Variants in TMPRSS11B observed in about 807,000 individuals in gnomAD.
TMPRSS11B encodes transmembrane serine protease 11B, also known as transmembrane protease serine 11B.
In TMPRSS11B, 53 loss-of-function variants were observed where a neutral mutation model predicts 44.7. The ratio of observed to expected loss-of-function variants is 1.19; its 90% confidence interval spans 0.95 to 1.49. The LOEUF (loss-of-function observed/expected upper bound fraction) is 1.49. Among genes scored for constraint, TMPRSS11B ranks in the 40% most tolerant of loss-of-function variants. The pLI, the probability that TMPRSS11B is intolerant of heterozygous loss-of-function variation, is 0.00. For missense variants in TMPRSS11B, 526 were observed against 494.8 expected, an observed-to-expected ratio of 1.06 and a Z score of -0.60; for synonymous variants, 140 against 159.2, an observed-to-expected ratio of 0.88 and a Z score of 0.91.
In TMPRSS11B at chr4:68,242,348, TATATA is replaced by T. The variant is rs1352024198; in HGVS notation, c.9-549_9-545del. Among the ~76,000 whole-genome samples, 4 of 81,266 alleles carry T rather than the reference TATATA, an allele frequency of 4.9e-5. 1 individual carries two copies. The highest frequency in any genetic ancestry group is 2.5e-4 in the African/African-American group (4 of 16,308). The allele number at this position is 81,266 out of a possible 152,430, so 53.3% of individuals were successfully genotyped here. A position where few individuals can be genotyped will look rare whatever the true frequency, so the allele number is the denominator to read the frequency against. On this transcript the variant is annotated intron_variant, in intron 1 of 9. Coordinates refer to ENST00000332644, the MANE Select transcript of TMPRSS11B (RefSeq NM_182502.3). ...ATAATATTATATTATATATATATTA[TATATA>T]ATATTATATTATATATAATATTATA...
intron 2 of TMPRSS11B, among the ~76,000 whole-genome samples, chr4:68,241,154 C>T (rs12507526): frequency 0.69 from 104,583 of 151,944 alleles, 38,142 homozygotes; most frequent in East Asian, 0.99. Context: ...ACTTATTTTT[C>T]AGAAAAGTAA....
chr4:68,242,509 A>G (rs1327035307), intron 1 of TMPRSS11B, among the ~76,000 whole-genome samples: 3 of 143,916 alleles, frequency 2.1e-5, no homozygotes, highest in Non-Finnish European at 3.0e-5. Flanking sequence ...ATAAAATTAT[A>G]GATTTTTTGT....
At chr4:68,245,484 T>A in intron 1 of TMPRSS11B, 67 bp downstream of exon 1, 1 of 1,544,268 alleles carries the variant, frequency 6.5e-7, no homozygotes, top group Admixed American at 1.7e-5. Context: ...AACAAAAAAC[T>A]AGAACATACT....
At chr4:68,238,481 T>G (rs895433043) in intron 2 of TMPRSS11B, among the ~76,000 whole-genome samples, 2 of 151,694 alleles carry the variant, frequency 1.3e-5, no homozygotes, top group South Asian at 4.2e-4. Context: ...CCCAGAACTT[T>G]GGAGGCAGAG....
intron 1 of TMPRSS11B, among the ~76,000 whole-genome samples, chr4:68,245,278 C>A (rs908119659): frequency 6.6e-6 from 1 of 151,770 alleles, no homozygotes; most frequent in Non-Finnish European, 1.5e-5. Context: ...AAATCTTATG[C>A]CTCATTTCCT....
At chr4:68,234,759 G>A (rs1719616473) in intron 4 of TMPRSS11B, 136 bp from the exon 5 acceptor site, 1 of 863,422 alleles carries the variant, frequency 1.2e-6, no homozygotes, top group African/African-American at 1.7e-5. Flanking sequence ...TACTATCTAA[G>A]CATGTATAAA....
In TMPRSS11B at chr4:68,229,478, A is replaced by T. The variant is rs1444382257; in HGVS notation, c.725T>A (p.Ile242Asn). ...TGTCATATATGGTTTATTTACTACA[A>T]TTCCAAAGTTGACAGTCCAATCTTT... ...NSKDWTVNFG[I>N]VVNKPYMTRK... is the part of the protein sequence containing the mutation. Residue 242 changes from isoleucine to asparagine, a missense_variant, in exon 8 of 10, where the codon ATT becomes AAT. Ile to Asn is a moderately radical substitution (Grantham distance 149, BLOSUM62 -3). Transcript: ENST00000332644. The T allele has an allele frequency of 6.2e-7, 1 of 1,613,210 alleles. No homozygotes were observed. Among genetic ancestry groups the T allele is most frequent in the African/African-American group, 1.3e-5 (1 of 74,862 alleles).
chr4:68,242,177 A>G lies in TMPRSS11B; in HGVS notation c.9-373T>C, dbSNP rs1405145621. Among the ~76,000 whole-genome samples the G allele has an allele frequency of 5.2e-5, 6 of 116,474 alleles. No individual in the cohort carries two copies. The South Asian group carries it at 1.4e-3, about 28-fold the overall frequency. 76.4% of individuals were successfully genotyped at this position (116,474 alleles called of 152,430 possible). ...CATGCACAGGGACATATAAAGACTT[A>G]TAGACACAATTAAATACATAATATA... On this transcript the variant is annotated intron_variant, in intron 1 of 9. Transcript: ENST00000332644.
Position 68,236,200 on chromosome 4 carries a change from T to G in TMPRSS11B, c.191A>C (p.Asn64Thr). The G allele has an allele frequency of 6.2e-7, 1 of 1,612,820 alleles. No homozygotes were observed. Among genetic ancestry groups the G allele is most frequent in the Non-Finnish European group, 8.5e-7 (1 of 1,179,426 alleles). The change falls in exon 3 of 10, where the codon AAC becomes ACC. Residue 64 changes from asparagine (N) to threonine (T), a missense_variant. Transcript: ENST00000332644. ...ATTTGTGCTGGCTTGTGAAGCTGCG[T>G]TTTCACAATTATCATTGTATGTGAC... ...SGVTYNDNCE[N>T]AASQASTNLS...
chr4:68,238,487 C>A (rs1719734075), intron 2 of TMPRSS11B, among the ~76,000 whole-genome samples: 1 of 151,240 alleles, frequency 6.6e-6, no homozygotes, highest in Non-Finnish European at 1.5e-5. Flanking sequence ...ACTTTGGAGG[C>A]AGAGGTGAGA....
Position 68,236,161 on chromosome 4 carries a change from A to AT in TMPRSS11B, c.229dup (p.Ile77AsnfsTer2). 1 of 1,607,288 alleles carries AT rather than the reference A, an allele frequency of 6.2e-7. No individual in the cohort carries two copies. Among genetic ancestry groups the AT allele is most frequent in the Non-Finnish European group, 8.5e-7 (1 of 1,176,606 alleles). ...AAATCTCTGATTTACCTTAGTCTCA[A>AT]TATCTTTGCTTAGATTTGTGCTGGC... On this transcript the variant is annotated frameshift_variant, in exon 3 of 10. Transcript: ENST00000332644. LOFTEE classifies it high-confidence loss of function.
At chr4:68,239,113 G>A (rs1397460295) in intron 2 of TMPRSS11B, among the ~76,000 whole-genome samples, 1 of 152,160 alleles carries the variant, frequency 6.6e-6, no homozygotes, top group Admixed American at 6.5e-5. Flanking sequence ...ATATGTTGAA[G>A]CCCTAAACAC....
intron 5 of TMPRSS11B, 132 bp downstream of exon 5, chr4:68,234,331 G>A (rs1205629872): frequency 1.2e-6 from 1 of 813,840 alleles, no homozygotes; most frequent in Non-Finnish European, 1.9e-6. Context: ...GTCATTGCTA[G>A]GGGTGCCAGA....
intron 2 of TMPRSS11B, among the ~76,000 whole-genome samples, chr4:68,240,487 G>A (rs1719794512): frequency 6.6e-6 from 1 of 152,144 alleles, no homozygotes. Flanking sequence ...GGGTTCTGTA[G>A]TTCCCCTTTG....
intron 7 of TMPRSS11B, 26 bp from the exon 8 acceptor site, chr4:68,229,542 A>G: frequency 1.9e-6 from 3 of 1,594,738 alleles, no homozygotes; most frequent in Non-Finnish European, 2.6e-6. Context: ...TAATTAGAAT[A>G]CACTCAGTTG....
intron 1 of TMPRSS11B, among the ~76,000 whole-genome samples, chr4:68,245,254 A>C (rs1719968147): frequency 6.6e-6 from 1 of 152,176 alleles, no homozygotes; most frequent in Non-Finnish European, 1.5e-5. Context: ...CGTTCTTATG[A>C]GTGATTGTAA....
chr4:68,239,254 GCTCTCTCTCGCGCGCGCGCTCT>G (rs34117051), intron 2 of TMPRSS11B, among the ~76,000 whole-genome samples: 2,643 of 150,124 alleles, frequency 0.018, 70 homozygotes, highest in African/African-American at 0.06. Flanking sequence ...TCTCTTGCGC[GCTCTCTCTCGCGCGCGCGCTCT>G]CTCTCTCGCA....
intron 2 of TMPRSS11B, among the ~76,000 whole-genome samples, chr4:68,237,155 G>A (rs1226004014): frequency 1.3e-5 from 2 of 151,932 alleles, no homozygotes; most frequent in Non-Finnish European, 2.9e-5. Context: ...TGTTTTCATT[G>A]TTCAGCTCCC....
intron 1 of TMPRSS11B, among the ~76,000 whole-genome samples, chr4:68,242,242 T>C (rs1404209767): frequency 2.4e-5 from 2 of 83,462 alleles, no homozygotes; most frequent in Admixed American, 4.1e-4. Flanking sequence ...ATATATATTA[T>C]ATTATATATA....
Sources: gnomAD v4.1 joint callset for allele counts (sites outside exome capture counted in the v4.1 genomes callset) on GRCh38, gnomAD v4.1.1 for gene constraint, MANE v1.5 for transcripts, NCBI Gene and HGNC (gene_info 2026-07-23, HGNC 2026-07-21) for gene names.